GPC6: variants seen among roughly 807,000 people sequenced by gnomAD.
GPC6 encodes glypican 6, also known as glypican-6.
GPC6 carries 14 observed loss-of-function variants against 55.2 expected under a neutral mutation model. The observed-to-expected ratio is 0.25, with a 90% CI of 0.17 to 0.40. GPC6 has a LOEUF of 0.40. Among genes scored for constraint, GPC6 ranks in the 10% least tolerant of loss-of-function variants. The probability of loss-of-function intolerance (pLI) is 1.00; values close to 1 mark genes in which losing one functional copy is unlikely to be tolerated. For missense variants in GPC6, 641 were observed against 708.5 expected, an observed-to-expected ratio of 0.90 and a Z score of 1.08; for synonymous variants, 278 against 259.6, an observed-to-expected ratio of 1.07 and a Z score of -0.68.
chr13:94,129,853 A>C lies in GPC6; in HGVS notation c.877+101959A>C, dbSNP rs574133373. On this transcript the variant is annotated intron_variant, in intron 4 of 8. Coordinates refer to ENST00000377047, the MANE Select transcript of GPC6 (RefSeq NM_005708.5). Reference sequence around the variant, plus strand: ...ATGTTGACTCAAAGGCCACATAAGCAATTTTCTTTTTAAAATGAATGAGGT... The same window carrying C: ...ATGTTGACTCAAAGGCCACATAAGCCATTTTCTTTTTAAAATGAATGAGGT... 1.1e-3 allele frequency among the ~76,000 whole-genome samples: 165 copies of C among 152,314 alleles called. 2 individuals are homozygous for C. The highest frequency in any genetic ancestry group is 3.2e-3 in the African/African-American group (135 of 41,564).
At chr13:93,938,605 A>G (rs1402590353) in intron 3 of GPC6, among the ~76,000 whole-genome samples, 1 of 152,234 alleles carries the variant, frequency 6.6e-6, no homozygotes, top group Non-Finnish European at 1.5e-5. Flanking sequence ...ATTTAGAAAG[A>G]CAACAGAAAA....
chr13:93,715,826 C>A (rs1459262400), intron 2 of GPC6, among the ~76,000 whole-genome samples: 1 of 151,586 alleles, frequency 6.6e-6, no homozygotes, highest in African/African-American at 2.4e-5. Flanking sequence ...TACAGAATCT[C>A]AAGCCTCACT....
chr13:93,876,382 TAAAGC>T (rs762939792), intron 3 of GPC6, among the ~76,000 whole-genome samples: 4 of 152,032 alleles, frequency 2.6e-5, no homozygotes, highest in African/African-American at 7.2e-5. Flanking sequence ...TTTTAAATAA[TAAAGC>T]TACAGATAAG....
At chr13:94,261,505 G>A (rs1891657809) in intron 4 of GPC6, among the ~76,000 whole-genome samples, 1 of 152,188 alleles carries the variant, frequency 6.6e-6, no homozygotes, top group South Asian at 2.1e-4. Flanking sequence ...TACGTGTGAG[G>A]TCAGTAGAAA....
At chr13:93,595,336 A>T (rs1877677497) in intron 2 of GPC6, among the ~76,000 whole-genome samples, 1 of 152,188 alleles carries the variant, frequency 6.6e-6, no homozygotes, top group Admixed American at 6.5e-5. Flanking sequence ...AAGTACTTGA[A>T]ATATTTAGAG....
At chr13:93,863,044 G>C (rs1365901009) in intron 3 of GPC6, among the ~76,000 whole-genome samples, 2 of 151,586 alleles carry the variant, frequency 1.3e-5, no homozygotes, top group Non-Finnish European at 3.0e-5. Flanking sequence ...TTCCAGTTTT[G>C]GCCTCTCCTT....
intron 2 of GPC6, among the ~76,000 whole-genome samples, chr13:93,607,983 C>G (rs1380984682): frequency 6.6e-6 from 1 of 152,164 alleles, no homozygotes; most frequent in Non-Finnish European, 1.5e-5. Flanking sequence ...CTTATTTGGT[C>G]TCTTCAGTGA....
Position 94,003,946 on chromosome 13 carries a change from A to G in GPC6, c.712-23783A>G, listed in dbSNP as rs140495636. Reference sequence around the variant, plus strand: ...ATTTCCCTTGGTAGATGTGTCATTCAAAAACTATATTTTACTGCTAATAGT... The same window carrying G: ...ATTTCCCTTGGTAGATGTGTCATTCGAAAACTATATTTTACTGCTAATAGT... On this transcript the variant is annotated intron_variant, in intron 3 of 8. Transcript: ENST00000377047. 5.5e-3 allele frequency among the ~76,000 whole-genome samples: 835 copies of G among 152,318 alleles called. 7 individuals are homozygous for G. The highest frequency in any genetic ancestry group is 0.019 in the African/African-American group (798 of 41,574).
At chr13:93,522,140 C>T (rs549037752) in intron 1 of GPC6, among the ~76,000 whole-genome samples, 1 of 151,742 alleles carries the variant, frequency 6.6e-6, no homozygotes, top group African/African-American at 2.4e-5. Flanking sequence ...TCTAGGCACA[C>T]CCTCTGGGTT....
At chr13:93,404,965 G>T (rs960059443) in intron 1 of GPC6, among the ~76,000 whole-genome samples, 3 of 152,200 alleles carry the variant, frequency 2.0e-5, no homozygotes, top group Admixed American at 1.3e-4. Flanking sequence ...GATTAAACAT[G>T]GGAATTTCTT....
At chr13:93,441,907 G>A (rs1877818814) in intron 1 of GPC6, among the ~76,000 whole-genome samples, 1 of 152,100 alleles carries the variant, frequency 6.6e-6, no homozygotes, top group South Asian at 2.1e-4. Context: ...TATGGGCATT[G>A]GACATAAACC....
chr13:94,145,054 A>AT (rs1887512987), intron 4 of GPC6, among the ~76,000 whole-genome samples: 1 of 152,030 alleles, frequency 6.6e-6, no homozygotes, highest in South Asian at 2.1e-4. Flanking sequence ...CCTAGATTTT[A>AT]TTTTTTCTTG....
intron 2 of GPC6, among the ~76,000 whole-genome samples, chr13:93,696,542 CT>C (rs1391463223): frequency 4.1e-5 from 6 of 146,892 alleles, no homozygotes; most frequent in Non-Finnish European, 6.0e-5. Context: ...CCTTTTTTTC[CT>C]TTTTTTTTTA....
chr13:94,385,269 A>G lies in GPC6; in HGVS notation c.1289+2719A>G, dbSNP rs1390205088. ...AAAAAAAAAAATGGCAATGGGATCA[A>G]TACCTGAAAAGGTACAGTGACTGGG... On this transcript the variant is annotated intron_variant, in intron 7 of 8. Transcript: ENST00000377047. Among the ~76,000 whole-genome samples the G allele has an allele frequency of 2.6e-5, 4 of 152,078 alleles. No homozygotes were observed. The East Asian group carries it at 7.7e-4, about 29-fold the overall frequency.
At chr13:93,720,667 A>G (rs1883423137) in intron 2 of GPC6, among the ~76,000 whole-genome samples, 2 of 151,958 alleles carry the variant, frequency 1.3e-5, no homozygotes, top group Admixed American at 6.6e-5. Flanking sequence ...TAGGGTGTCA[A>G]TTTTAGATCT....
intron 1 of GPC6, among the ~76,000 whole-genome samples, chr13:93,327,687 T>C (rs1879704509): frequency 6.6e-6 from 1 of 152,076 alleles, no homozygotes; most frequent in Admixed American, 6.6e-5. Context: ...GATACAGTAA[T>C]AAGTGTGCCG....
At chr13:93,513,763 T>C (rs1380944348) in intron 1 of GPC6, among the ~76,000 whole-genome samples, 1 of 152,154 alleles carries the variant, frequency 6.6e-6, no homozygotes, top group Non-Finnish European at 1.5e-5. Flanking sequence ...AATATTTTTA[T>C]AGCCCTTCAT....
chr13:93,231,425 G>A (rs9561287), intron 1 of GPC6, among the ~76,000 whole-genome samples: 1,067 of 16,412 alleles, frequency 0.065, 17 homozygotes, highest in African/African-American at 0.16. Context: ...ATATATATAC[G>A]TATATATATA....
At chr13:93,994,514 C>T (rs977044557) in intron 3 of GPC6, among the ~76,000 whole-genome samples, 3 of 152,118 alleles carry the variant, frequency 2.0e-5, no homozygotes, top group African/African-American at 4.8e-5. Flanking sequence ...AATTATTGCT[C>T]ATTGCTTATT....
Sources: gnomAD v4.1 joint callset for allele counts (sites outside exome capture counted in the v4.1 genomes callset) on GRCh38, gnomAD v4.1.1 for gene constraint, MANE v1.5 for transcripts, NCBI Gene and HGNC (gene_info 2026-07-23, HGNC 2026-07-21) for gene names.